LINC00237: variants seen among roughly 807,000 people sequenced by gnomAD.
LINC00237 encodes the protein long independently transcribed non-coding RNA 237.
chr20:21,086,051 A>G (rs1252972135), intron 3 of LINC00237, among the ~76,000 whole-genome samples: 1 of 152,228 alleles, frequency 6.6e-6, no homozygotes, highest in Non-Finnish European at 1.5e-5. Context: ...CCTAGGAAAC[A>G]TCAGTCTCGT....
chr20:21,095,216 C>T (rs901649906), intron 1 of LINC00237, among the ~76,000 whole-genome samples: 7 of 152,114 alleles, frequency 4.6e-5, no homozygotes, highest in Admixed American at 2.6e-4. Context: ...CACTGCCTCC[C>T]GCTTGGAGCC....
Position 21,086,089 on chromosome 20 carries a change from A to G in LINC00237, n.560-201T>C, listed in dbSNP as rs2030688675. On this transcript the variant is annotated intron_variant and non_coding_transcript_variant, in intron 3 of 3. Coordinates refer to ENST00000691244, the Ensembl canonical transcript of LINC00237. ...AGGGACTCTAAGCAAACGCTGCTTA[A>G]ACTTTGTCTCAGAAGGAGACATTAT... 2.0e-5 allele frequency among the ~76,000 whole-genome samples: 3 copies of G among 152,252 alleles called. No individual in the cohort carries two copies. The South Asian group carries it at 6.2e-4, about 31-fold the overall frequency.
chr20:21,093,214 C>A (rs560602763), intron 2 of LINC00237: 2 of 152,136 alleles, frequency 1.3e-5, no homozygotes, highest in Non-Finnish European at 2.9e-5. Flanking sequence ...ATATCCTTTG[C>A]CATGAGGTGG....
chr20:21,089,537 C>G (rs181751604), intron 2 of LINC00237, among the ~76,000 whole-genome samples: 3 of 152,204 alleles, frequency 2.0e-5, no homozygotes, highest in Non-Finnish European at 4.4e-5. Context: ...TCGCTGGGCT[C>G]GTAATTCTCT....
chr20:21,096,001 C>G (rs997627464), intron 1 of LINC00237, among the ~76,000 whole-genome samples: 2 of 152,202 alleles, frequency 1.3e-5, no homozygotes, highest in African/African-American at 4.8e-5. Flanking sequence ...CAATGGTAAC[C>G]TGCTTTATAA....
At chr20:21,099,925 C>T (rs910233402) in intron 1 of LINC00237, among the ~76,000 whole-genome samples, 3 of 152,162 alleles carry the variant, frequency 2.0e-5, no homozygotes, top group African/African-American at 7.2e-5. Flanking sequence ...GCTGAATCCC[C>T]TCTCTGGCAG....
At chr20:21,089,292 G>T (rs540671547) in intron 2 of LINC00237, among the ~76,000 whole-genome samples, 7 of 151,896 alleles carry the variant, frequency 4.6e-5, no homozygotes, top group Non-Finnish European at 1.0e-4. Context: ...CCTTTAAACT[G>T]AAGTGACAAT....
At chr20:21,097,751 C>A (rs891540023) in intron 1 of LINC00237, among the ~76,000 whole-genome samples, 1 of 152,162 alleles carries the variant, frequency 6.6e-6, no homozygotes, top group Non-Finnish European at 1.5e-5. Flanking sequence ...TTATGCTCAA[C>A]AAACCTCTCT....
At chr20:21,098,170 T>C (rs1053253893) in intron 1 of LINC00237, among the ~76,000 whole-genome samples, 1 of 152,224 alleles carries the variant, frequency 6.6e-6, no homozygotes, top group African/African-American at 2.4e-5. Context: ...AAAATTAGCA[T>C]GGTTCCCCAA....
At position 21,101,514 on chromosome 20, in the gene LINC00237, T is replaced by C. The variant is rs1258999941; in HGVS notation, n.88+4757A>G. 6.6e-6 allele frequency: 1 copy of C among 152,268 alleles called. No individual in the cohort carries two copies. Among genetic ancestry groups the C allele is most frequent in the Non-Finnish European group, 1.5e-5 (1 of 68,118 alleles). 9.4% of individuals were successfully genotyped at this position (152,268 alleles called of 1,614,324 possible). On this transcript the variant is annotated intron_variant and non_coding_transcript_variant, in intron 1 of 3. Transcript: ENST00000691244. This position sits in a 1 kb window ranked among gnomAD's most constrained non-coding sequence, Gnocchi z 4.3. Reference sequence around the variant, plus strand: ...GCGGGGGAAAGGCCCACCCACGCTGTCCCTGGAGTCCCCTCCAGTGTCCCC... The same window carrying C: ...GCGGGGGAAAGGCCCACCCACGCTGCCCCTGGAGTCCCCTCCAGTGTCCCC...
chr20:21,092,202 A>G (rs962478532), intron 2 of LINC00237, among the ~76,000 whole-genome samples: 3 of 152,322 alleles, frequency 2.0e-5, no homozygotes, highest in African/African-American at 7.2e-5. Flanking sequence ...TGGAAGAGAA[A>G]GAGGTGATTG....
At chr20:21,099,310 T>G (rs1019218731) in intron 1 of LINC00237, among the ~76,000 whole-genome samples, 1 of 151,688 alleles carries the variant, frequency 6.6e-6, no homozygotes, top group East Asian at 2.0e-4. Flanking sequence ...TTTATTTTTA[T>G]GTATTTATAT....
intron 3 of LINC00237, among the ~76,000 whole-genome samples, chr20:21,086,798 CTA>C (rs571541249): frequency 3.6e-4 from 44 of 121,476 alleles, no homozygotes; most frequent in African/African-American, 5.7e-4. Flanking sequence ...TATACATATA[CTA>C]TATATATGTA....
At chr20:21,106,329 AG>A (rs1017286695) in exon 1 of LINC00237, 1 of 152,190 alleles carries the variant, frequency 6.6e-6, no homozygotes, top group African/African-American at 2.4e-5. Context: ...GCACGGGAAG[AG>A]GGGGCTCCGC....
At chr20:21,093,879 C>T (rs534282790) in intron 1 of LINC00237, 11 of 152,340 alleles carry the variant, frequency 7.2e-5, no homozygotes, top group African/African-American at 2.6e-4. Context: ...AACACTTGCT[C>T]TTATCAGTTC....
chr20:21,095,254 G>A (rs1235109074), intron 1 of LINC00237, among the ~76,000 whole-genome samples: 1 of 152,134 alleles, frequency 6.6e-6, no homozygotes, highest in Admixed American at 6.5e-5. Context: ...AGAAACCCAT[G>A]CTAGGGTACA....
intron 2 of LINC00237, among the ~76,000 whole-genome samples, chr20:21,089,232 T>C (rs1165903320): frequency 6.6e-6 from 1 of 151,528 alleles, no homozygotes; most frequent in Non-Finnish European, 1.5e-5. Context: ...TCTATATTTT[T>C]GAAAGGTTGA....
intron 2 of LINC00237, chr20:21,089,786 T>C (rs1301629620): frequency 6.6e-6 from 1 of 152,220 alleles, no homozygotes; most frequent in Non-Finnish European, 1.5e-5. Context: ...AATTAAATAC[T>C]CGATAAAATA....
intron 2 of LINC00237, among the ~76,000 whole-genome samples, chr20:21,091,344 A>G (rs975501380): frequency 6.6e-6 from 1 of 152,170 alleles, no homozygotes; most frequent in Non-Finnish European, 1.5e-5. Flanking sequence ...ACTGCAAACC[A>G]CTGCACAGGA....
Sources: gnomAD v4.1 joint callset for allele counts (sites outside exome capture counted in the v4.1 genomes callset) on GRCh38, gnomAD v4.1.1 for gene constraint, Gnocchi (gnomAD v3.1) non-coding constraint, MANE v1.5 for transcripts, NCBI Gene and HGNC (gene_info 2026-07-23, HGNC 2026-07-21) for gene names.